The following ERG variants were observed in gnomAD, a reference collection of about 807,000 sequenced individuals.
The protein encoded by ERG is ETS transcription factor ERG, also known as transcriptional regulator ERG.
A neutral mutation model predicts 55.3 loss-of-function variants in ERG; 9 were observed. The observed-to-expected ratio is 0.16, with a 90% CI of 0.10 to 0.28. The LOEUF is 0.28. ERG is among the 10% of genes least tolerant of loss of function. The pLI is 1.00. For missense variants in ERG, 434 were observed against 631.6 expected, an observed-to-expected ratio of 0.69 and a Z score of 3.35; for synonymous variants, 223 against 237.3, an observed-to-expected ratio of 0.94 and a Z score of 0.55.
At chr21:38,572,247 AGTC>A in intron 2 of ERG, among the ~76,000 whole-genome samples, 1 of 150,746 alleles carries the variant, frequency 6.6e-6, no homozygotes, top group East Asian at 2.0e-4. Context: ...AGGTGCCTGT[AGTC>A]CCAGCTACTC....
intron 1 of ERG, among the ~76,000 whole-genome samples, chr21:38,601,513 A>G (rs2146911682): frequency 1.3e-5 from 2 of 152,346 alleles, no homozygotes; most frequent in East Asian, 3.9e-4. Context: ...AAGGCTAGCC[A>G]GAGAAACAGG....
intron 1 of ERG, among the ~76,000 whole-genome samples, chr21:38,633,324 T>C (rs2060368426): frequency 6.6e-6 from 1 of 152,274 alleles, no homozygotes; most frequent in African/African-American, 2.4e-5. Flanking sequence ...TGAAAATACT[T>C]AACACTACTG....
rs747877303 is a variant in ERG, at chr21:38,383,298, GC to G, written c.*104del. 3.3e-5 allele frequency: 44 copies of G among 1,339,042 alleles called. No individual in the cohort carries two copies. The highest frequency in any genetic ancestry group is 4.2e-5 in the Non-Finnish European group (44 of 1,041,080). The allele number at this position is 1,339,042 out of a possible 1,614,324, so 82.9% of individuals were successfully genotyped here. A position where few individuals can be genotyped will look rare whatever the true frequency, so the allele number is the denominator to read the frequency against. On this transcript the variant is annotated 3_prime_UTR_variant, in exon 10 of 10. Coordinates refer to ENST00000288319, the MANE Select transcript of ERG (RefSeq NM_182918.4). The surrounding 1 kb of genome is among the most constrained non-coding windows in gnomAD (Gnocchi z 5.7). ...GGCTTCCTTCCCCAGCCCCAGTAAA[GC>G]TTTTTTCATTCCTCTTGAGGCACTT...
intron 2 of ERG, among the ~76,000 whole-genome samples, chr21:38,550,486 G>A (rs1164792775): frequency 6.6e-6 from 1 of 152,186 alleles, no homozygotes. Context: ...AATTGCATTA[G>A]TACCTTTACA....
At chr21:38,398,554 G>A (rs1469757044) in intron 6 of ERG, among the ~76,000 whole-genome samples, 1 of 152,288 alleles carries the variant, frequency 6.6e-6, no homozygotes, top group Non-Finnish European at 1.5e-5. Context: ...ATGGGCCCAT[G>A]GAAGACCACC....
At chr21:38,628,197 G>A (rs534976753) in intron 1 of ERG, among the ~76,000 whole-genome samples, 5 of 152,086 alleles carry the variant, frequency 3.3e-5, no homozygotes, top group African/African-American at 9.7e-5. Flanking sequence ...GAATCCACTC[G>A]CCTCAGCCTC....
chr21:38,535,182 A>G (rs184419069), intron 2 of ERG, among the ~76,000 whole-genome samples: 1 of 152,278 alleles, frequency 6.6e-6, no homozygotes, highest in African/African-American at 2.4e-5. Flanking sequence ...ACCAGTCACA[A>G]AAAGACAAAC....
chr21:38,557,485 C>T (rs1419566982), intron 2 of ERG, among the ~76,000 whole-genome samples: 2 of 152,052 alleles, frequency 1.3e-5, no homozygotes, highest in East Asian at 3.9e-4. Context: ...AGAAGACATC[C>T]CCCGGACTTC....
At chr21:38,605,480 G>C (rs933356249) in intron 1 of ERG, among the ~76,000 whole-genome samples, 1 of 152,076 alleles carries the variant, frequency 6.6e-6, no homozygotes, top group Non-Finnish European at 1.5e-5. Flanking sequence ...CCCCAAGAAA[G>C]AATTTACATA....
chr21:38,659,312 T>G (rs1453408100), intron 1 of ERG, among the ~76,000 whole-genome samples: 1 of 152,250 alleles, frequency 6.6e-6, no homozygotes, highest in Non-Finnish European at 1.5e-5. Context: ...AATGGTGTAA[T>G]TAGCTTATTA....
chr21:38,446,567 A>G (rs1467908245), intron 1 of ERG, among the ~76,000 whole-genome samples: 5 of 152,106 alleles, frequency 3.3e-5, no homozygotes, highest in African/African-American at 7.2e-5. Context: ...TTTGGTTCTT[A>G]TAACAGACAA....
chr21:38,445,253 T>G (rs1404846822), intron 2 of ERG, 151 bp downstream of exon 2: 1 of 626,790 alleles, frequency 1.6e-6, no homozygotes, highest in African/African-American at 1.8e-5. Flanking sequence ...GTGATTCTCC[T>G]GCCTCAGGCT....
At chr21:38,455,780 C>G (rs1467189393) in intron 1 of ERG, among the ~76,000 whole-genome samples, 1 of 149,668 alleles carries the variant, frequency 6.7e-6, no homozygotes, top group Non-Finnish European at 1.5e-5. Context: ...CTCATGCCTT[C>G]AAACACTCAA....
intron 1 of ERG, among the ~76,000 whole-genome samples, chr21:38,467,075 C>T (rs116281675): frequency 6.6e-6 from 1 of 152,128 alleles, no homozygotes; most frequent in Non-Finnish European, 1.5e-5. Flanking sequence ...TGCTGAGAAT[C>T]AGAATCCAAT....
chr21:38,621,127 T>C (rs2060287767), intron 1 of ERG, among the ~76,000 whole-genome samples: 1 of 152,140 alleles, frequency 6.6e-6, no homozygotes, highest in Non-Finnish European at 1.5e-5. Flanking sequence ...GAGTCATCGG[T>C]GTAGGTGGGA....
intron 2 of ERG, among the ~76,000 whole-genome samples, chr21:38,439,597 T>C (rs944492307): frequency 3.9e-5 from 6 of 152,214 alleles, no homozygotes; most frequent in Non-Finnish European, 7.3e-5. Flanking sequence ...TGAAAAATGA[T>C]GTCCTGTGTC....
intron 2 of ERG, among the ~76,000 whole-genome samples, chr21:38,549,500 A>AAGTAAAACACACATATAC (rs1360785049): frequency 6.6e-6 from 1 of 152,228 alleles, no homozygotes; most frequent in Non-Finnish European, 1.5e-5. Flanking sequence ...CAATTTGGCA[A>AAGTAAAACACACATATAC]AGTAAAACAC....
At chr21:38,412,903 C>G (rs890474609) in intron 3 of ERG, among the ~76,000 whole-genome samples, 1 of 152,116 alleles carries the variant, frequency 6.6e-6, no homozygotes, top group African/African-American at 2.4e-5. Context: ...GAAGACATGT[C>G]TCTCCATGAA....
chr21:38,367,352 C>T, the ERG span, among the ~76,000 whole-genome samples: 1 of 152,170 alleles, frequency 6.6e-6, no homozygotes, highest in South Asian at 2.1e-4. Context: ...AAGCAGCTCA[C>T]GTGGGTGGCT....
Sources: allele counts gnomAD v4.1 joint callset (sites outside exome capture counted in the v4.1 genomes callset), GRCh38; gene constraint gnomAD v4.1.1; non-coding constraint Gnocchi (gnomAD v3.1); transcripts MANE v1.5; gene names NCBI Gene and HGNC (gene_info 2026-07-23, HGNC 2026-07-21).